The following EPB41L4A variants were observed in gnomAD, a reference collection of about 807,000 sequenced individuals.
The protein encoded by EPB41L4A is band 4.1-like protein 4A.
Under a neutral mutation model 108.6 loss-of-function variants are expected in EPB41L4A, and 100 were observed. The ratio of observed to expected loss-of-function variants is 0.92; its 90% CI spans 0.78 to 1.09. The LOEUF is 1.09. Among genes scored for constraint, EPB41L4A ranks in the 50% least tolerant of loss-of-function variants. EPB41L4A has a pLI of 0.00. For synonymous variants in EPB41L4A, 319 were observed against 289.0 expected, an observed-to-expected ratio of 1.10 and a Z score of -1.05; for missense variants, 1,030 against 842.7, an observed-to-expected ratio of 1.22 and a Z score of -2.75.
intron 1 of EPB41L4A, among the ~76,000 whole-genome samples, chr5:112,386,575 G>C (rs1760544171): frequency 6.6e-6 from 1 of 152,162 alleles, no homozygotes; most frequent in African/African-American, 2.4e-5. Flanking sequence ...TAACCGTCAG[G>C]CTCTGATCTG....
intron 18 of EPB41L4A, among the ~76,000 whole-genome samples, chr5:112,180,944 CA>C (rs1761115181): frequency 6.6e-6 from 1 of 152,068 alleles, no homozygotes; most frequent in African/African-American, 2.4e-5. Context: ...AGTAAGCACA[CA>C]AAAATGTGGT....
At chr5:112,404,251 T>C (rs1175535722) in intron 1 of EPB41L4A, among the ~76,000 whole-genome samples, 1 of 152,238 alleles carries the variant, frequency 6.6e-6, no homozygotes, top group Non-Finnish European at 1.5e-5. Flanking sequence ...CATGTTATCA[T>C]GTGCTAGGCA....
intron 1 of EPB41L4A, among the ~76,000 whole-genome samples, chr5:112,413,276 G>A (rs913587113): frequency 6.6e-6 from 1 of 152,178 alleles, no homozygotes; most frequent in Admixed American, 6.5e-5. Context: ...TGTACTGCAT[G>A]CATTCAGTCC....
chr5:112,152,315 G>T (rs1273274872), intron 12 of EPB41L4A, among the ~76,000 whole-genome samples: 9 of 152,052 alleles, frequency 5.9e-5, no homozygotes, highest in Non-Finnish European at 1.2e-4. Flanking sequence ...CTAAGTAAAA[G>T]ATTATAAAAC....
At chr5:112,341,415 G>A (rs1226911975) in intron 1 of EPB41L4A, among the ~76,000 whole-genome samples, 1 of 152,010 alleles carries the variant, frequency 6.6e-6, no homozygotes, top group African/African-American at 2.4e-5. Flanking sequence ...CGGTACCGTT[G>A]GTCCAAAAAT....
Position 112,342,697 on chromosome 5 carries a change from C to A in EPB41L4A, c.100-35207G>T, listed in dbSNP as rs570210452. Among the ~76,000 whole-genome samples, 6 of 152,286 alleles carry A rather than the reference C, an allele frequency of 3.9e-5. No individual in the cohort carries two copies. The South Asian group carries it at 1.2e-3, about 32-fold the overall frequency. ...GGGTTGAAGAAGTAAGCAGATCAGA[C>A]CCAAAGGGGTGGACTTCATAAGAGA... On this transcript the variant is annotated intron_variant, in intron 1 of 22. Coordinates refer to ENST00000261486, the MANE Select transcript of EPB41L4A (RefSeq NM_022140.5).
chr5:112,319,734 A>G (rs1755650032), intron 1 of EPB41L4A, among the ~76,000 whole-genome samples: 1 of 152,244 alleles, frequency 6.6e-6, no homozygotes, highest in African/African-American at 2.4e-5. Context: ...AAAACATAAG[A>G]AAATGCAATA....
At position 112,240,762 on chromosome 5, in the gene EPB41L4A, T is replaced by C. The variant is rs756638930; in HGVS notation, c.844A>G (p.Lys282Glu). 1.3e-5 allele frequency: 21 copies of C among 1,586,744 alleles called. No individual in the cohort carries two copies. The Admixed American group carries it at 3.9e-4, about 29-fold the overall frequency. ...FFEARSKTAC[K>E]HLWKCSVEHH... ...TCCACACTGCACTTCCAGAGGTGCTTGCAAGCAGTTTTACTCCGAGCTTCA... is the reference window on the plus strand; with the variant it reads ...TCCACACTGCACTTCCAGAGGTGCTCGCAAGCAGTTTTACTCCGAGCTTCA... The change falls in exon 10 of 23, where the codon AAG (lysine) becomes GAG (glutamate). Residue 282 changes from lysine to glutamate, a missense_variant. Transcript: ENST00000261486.
rs1231707180 is a variant in EPB41L4A, at chr5:112,162,998, AGT to A, written c.*1990_*1991del. ...TAAGATGGCTATTATGGGAGGTGAG[AGT>A]GTTACAAAATGAGGCTGAAGAGGTA... is the stretch of plus-strand genomic sequence containing the variant. On this transcript the variant is annotated 3_prime_UTR_variant, in exon 23 of 23. Coordinates refer to ENST00000261486, the MANE Select transcript of EPB41L4A (RefSeq NM_022140.5). The A allele has an allele frequency of 6.6e-6, 1 of 152,210 alleles. No individual in the cohort carries two copies. The highest frequency in any genetic ancestry group is 1.5e-5 in the Non-Finnish European group (1 of 68,042). The allele number at this position is 152,210 out of a possible 1,614,324, so 9.4% of individuals were successfully genotyped here. A position where few individuals can be genotyped will look rare whatever the true frequency, so the allele number is the denominator to read the frequency against.
chr5:112,157,410 C>G (rs1426002095), intron 12 of EPB41L4A, among the ~76,000 whole-genome samples: 1 of 152,170 alleles, frequency 6.6e-6, no homozygotes, highest in African/African-American at 2.4e-5. Context: ...ACTCTCTACC[C>G]CTTATAGGTT....
chr5:112,202,718 T>G (rs1446012670), intron 15 of EPB41L4A, among the ~76,000 whole-genome samples: 3 of 152,084 alleles, frequency 2.0e-5, no homozygotes, highest in African/African-American at 4.8e-5. Flanking sequence ...AAGTTGAACT[T>G]GGTTTCAGAA....
intron 3 of EPB41L4A, among the ~76,000 whole-genome samples, chr5:112,276,606 G>A (rs931149602): frequency 6.6e-6 from 1 of 152,182 alleles, no homozygotes; most frequent in Non-Finnish European, 1.5e-5. Context: ...AAGATGTGAA[G>A]CATGCATCTC....
chr5:112,164,969 A>C lies in EPB41L4A; in HGVS notation c.*21T>G, dbSNP rs1377038233. 6.2e-7 allele frequency: 1 copy of C among 1,604,226 alleles called. No individual in the cohort carries two copies. On this transcript the variant is annotated 3_prime_UTR_variant, in exon 23 of 23. Transcript: ENST00000261486. ...TGGCGCACACAACCTTCCCACCCCT[A>C]CCCTTGACCCTTCATCAGGATCAAG... is the stretch of plus-strand genomic sequence containing the variant.
chr5:112,404,689 T>C (rs1046197506), intron 1 of EPB41L4A, among the ~76,000 whole-genome samples: 5 of 152,190 alleles, frequency 3.3e-5, no homozygotes, highest in Admixed American at 1.3e-4. Context: ...AGTATTTTCA[T>C]CAAGCTGATT....
At chr5:112,168,951 T>A in intron 21 of EPB41L4A, 44 bp downstream of exon 21, 2 of 1,531,396 alleles carry the variant, frequency 1.3e-6, no homozygotes, top group Non-Finnish European at 9.1e-7. Flanking sequence ...CTGCACTGTT[T>A]TGGAGCCATG....
intron 17 of EPB41L4A, among the ~76,000 whole-genome samples, chr5:112,189,771 G>C (rs1761601960): frequency 6.6e-6 from 1 of 152,168 alleles, no homozygotes; most frequent in African/African-American, 2.4e-5. Context: ...CAAAGGTAAT[G>C]AATGAATGAG....
intron 2 of EPB41L4A, among the ~76,000 whole-genome samples, chr5:112,282,763 G>C (rs996765528): frequency 6.6e-6 from 1 of 151,814 alleles, no homozygotes; most frequent in African/African-American, 2.4e-5. Context: ...AGGGAAAAAA[G>C]GAGGCTTTGG....
intron 18 of EPB41L4A, among the ~76,000 whole-genome samples, chr5:112,174,904 C>T (rs1295448570): frequency 1.3e-5 from 2 of 152,134 alleles, no homozygotes; most frequent in Non-Finnish European, 2.9e-5. Flanking sequence ...TTGTCACATT[C>T]CTGACGGGTC....
intron 1 of EPB41L4A, among the ~76,000 whole-genome samples, chr5:112,377,485 C>T (rs918152855): frequency 6.6e-6 from 1 of 152,152 alleles, no homozygotes; most frequent in Non-Finnish European, 1.5e-5. Flanking sequence ...ACAGCAAGTA[C>T]TTGGAAGTGA....
Sources: allele counts gnomAD v4.1 joint callset (sites outside exome capture counted in the v4.1 genomes callset), GRCh38; gene constraint gnomAD v4.1.1; transcripts MANE v1.5; gene names NCBI Gene and HGNC (gene_info 2026-07-23, HGNC 2026-07-21).